The following BCR variants were observed in gnomAD, a reference collection of about 807,000 sequenced individuals.
BCR encodes the protein BCR activator of RhoGEF and GTPase, also known as breakpoint cluster region protein.
Under a neutral mutation model 138.6 loss-of-function variants are expected in BCR, and 58 were observed. That is an observed-to-expected ratio of 0.42 (90% CI 0.34 to 0.52). BCR has a LOEUF of 0.52. Ranked by LOEUF, BCR falls within the 20% of genes least tolerant of loss-of-function variation. The pLI is 0.06. For synonymous variants in BCR, 786 were observed against 730.1 expected, an observed-to-expected ratio of 1.08 and a Z score of -1.23; for missense variants, 1,599 against 1,727.2, an observed-to-expected ratio of 0.93 and a Z score of 1.32.
At chr22:23,202,852 T>G (rs903386415) in intron 1 of BCR, among the ~76,000 whole-genome samples, 4 of 117,202 alleles carry the variant, frequency 3.4e-5, no homozygotes, top group Non-Finnish European at 6.8e-5. Context: ...CAGTGAATTT[T>G]TTTGTGGGGT....
intron 1 of BCR, among the ~76,000 whole-genome samples, chr22:23,213,835 TAA>T (rs376154209): frequency 2.0e-4 from 27 of 135,952 alleles, no homozygotes; most frequent in Non-Finnish European, 1.4e-4. Flanking sequence ...CCCTGTCTCT[TAA>T]AAAAAAAAAA....
intron 10 of BCR, among the ~76,000 whole-genome samples, chr22:23,285,652 G>A (rs1002059586): frequency 3.3e-5 from 5 of 152,212 alleles, no homozygotes; most frequent in East Asian, 1.9e-4. Context: ...TGGCATCCCC[G>A]GGGAAAACTT....
At chr22:23,300,303 C>A (rs1224689581) in intron 16 of BCR, among the ~76,000 whole-genome samples, 1 of 152,226 alleles carries the variant, frequency 6.6e-6, no homozygotes, top group African/African-American at 2.4e-5. Context: ...TGGAATCATA[C>A]AGCATTTGTC....
intron 22 of BCR, among the ~76,000 whole-genome samples, chr22:23,314,937 T>C (rs537703705): frequency 1.7e-4 from 26 of 152,258 alleles, no homozygotes; most frequent in East Asian, 5.8e-4. Flanking sequence ...TAAAACTACC[T>C]CAAGTGTTCG....
chr22:23,181,619 G>A lies in BCR; in HGVS notation c.659G>A (p.Gly220Asp). 6.2e-7 allele frequency: 1 copy of A among 1,611,680 alleles called. No homozygotes were observed. Among genetic ancestry groups the A allele is most frequent in the Non-Finnish European group, 8.5e-7 (1 of 1,179,980 alleles). ...MERKKSQHGA[G>D]SSVGDASRPP... Reference sequence around the variant, plus strand: ...CGCAAAAAGTCCCAGCACGGCGCGGGCTCGAGCGTGGGGGATGCATCCAGG... The same window carrying A: ...CGCAAAAAGTCCCAGCACGGCGCGGACTCGAGCGTGGGGGATGCATCCAGG... Residue 220 changes from glycine (G) to aspartate (D), a missense_variant, in exon 1 of 23, where the codon GGC becomes GAC. Gly to Asp is a moderately conservative substitution (Grantham distance 94). Coordinates refer to ENST00000305877, the MANE Select transcript of BCR (RefSeq NM_004327.4).
chr22:23,206,998 A>G (rs889501481), intron 1 of BCR, among the ~76,000 whole-genome samples: 2 of 130,574 alleles, frequency 1.5e-5, no homozygotes, highest in African/African-American at 5.9e-5. Context: ...TCATCTGTCT[A>G]ACATCCAGCC....
At chr22:23,263,187 G>A (rs542802833) in intron 4 of BCR, 22 of 873,612 alleles carry the variant, frequency 2.5e-5, no homozygotes, top group African/African-American at 2.2e-4. Flanking sequence ...GGAGTCAGCC[G>A]CCTGCCCGGC....
chr22:23,220,381 G>C (rs1050674856), intron 1 of BCR, among the ~76,000 whole-genome samples: 1 of 152,174 alleles, frequency 6.6e-6, no homozygotes, highest in African/African-American at 2.4e-5. Flanking sequence ...AATGGCCTCT[G>C]TGTCTGCCAC....
At chr22:23,182,612 C>T (rs2072285923) in intron 1 of BCR, among the ~76,000 whole-genome samples, 2 of 152,272 alleles carry the variant, frequency 1.3e-5, no homozygotes, top group South Asian at 2.1e-4. Flanking sequence ...GCATAAAAGC[C>T]GGAGTCATCT....
intron 1 of BCR, among the ~76,000 whole-genome samples, chr22:23,196,766 A>G (rs2072488084): frequency 6.6e-6 from 1 of 152,176 alleles, no homozygotes; most frequent in Non-Finnish European, 1.5e-5. Flanking sequence ...AGAATCTAAT[A>G]CTGCTGCCGG....
intron 1 of BCR, among the ~76,000 whole-genome samples, chr22:23,218,845 G>A (rs1176431876): frequency 6.6e-6 from 1 of 152,252 alleles, no homozygotes; most frequent in Non-Finnish European, 1.5e-5. Context: ...TTCTGAGGGT[G>A]AGTGGCTGTC....
At chr22:23,273,857 C>T in intron 8 of BCR, 83 bp downstream of exon 8, 1 of 1,568,104 alleles carries the variant, frequency 6.4e-7, no homozygotes, top group Non-Finnish European at 8.7e-7. Flanking sequence ...AGGTCTGGAG[C>T]CCTTCCTGGT....
chr22:23,311,809 C>T lies in BCR; in HGVS notation c.3295C>T (p.Gln1099Ter). 1 of 1,611,818 alleles carries T rather than the reference C, an allele frequency of 6.2e-7. No individual in the cohort carries two copies. Among genetic ancestry groups the T allele is most frequent in the Non-Finnish European group, 8.5e-7 (1 of 1,179,860 alleles). ...YRVSGVATDI[Q>*]ALKAAFDVNN... is the part of the protein sequence containing the mutation. ...CGTGTCCGGTGTGGCCACGGACATC[C>T]AGGCACTGAAGGCAGCCTTCGACGT... The change falls in exon 19 of 23, where the codon CAG becomes TAG. Residue 1099 changes from glutamine to a stop codon, truncating the protein, a stop_gained. Transcript: ENST00000305877. LOFTEE classifies it high-confidence loss of function.
chr22:23,267,742 C>T (rs995737468), intron 4 of BCR, among the ~76,000 whole-genome samples: 15 of 152,148 alleles, frequency 9.9e-5, no homozygotes, highest in African/African-American at 3.1e-4. Context: ...GTTGCTGAAT[C>T]GAGTGTGTGT....
intron 1 of BCR, 96 bp downstream of exon 1, chr22:23,182,335 T>G: frequency 1.5e-6 from 2 of 1,359,804 alleles, no homozygotes; most frequent in Non-Finnish European, 1.9e-6. Context: ...GAGGGAGGAG[T>G]GGATAGTTTT....
chr22:23,207,266 C>T (rs967364761), intron 1 of BCR, among the ~76,000 whole-genome samples: 1 of 152,104 alleles, frequency 6.6e-6, no homozygotes, highest in Non-Finnish European at 1.5e-5. Context: ...ACCAACCAGG[C>T]ACTGAGAAGT....
At chr22:23,251,510 C>T (rs993816846) in intron 1 of BCR, among the ~76,000 whole-genome samples, 2 of 152,330 alleles carry the variant, frequency 1.3e-5, no homozygotes, top group South Asian at 2.1e-4. Flanking sequence ...GCCGGAACTT[C>T]GGCCACCTGC....
At chr22:23,253,156 G>A (rs1052411496) in intron 1 of BCR, among the ~76,000 whole-genome samples, 1 of 152,224 alleles carries the variant, frequency 6.6e-6, no homozygotes, top group Non-Finnish European at 1.5e-5. Flanking sequence ...GAGGTGCACA[G>A]AGGAAGGTCT....
intron 1 of BCR, among the ~76,000 whole-genome samples, chr22:23,195,921 A>G (rs1602001779): frequency 6.6e-6 from 1 of 152,224 alleles, no homozygotes; most frequent in Non-Finnish European, 1.5e-5. Flanking sequence ...AATAAATACC[A>G]CTGCTTTTTT....
Sources: gnomAD v4.1 joint callset for allele counts (sites outside exome capture counted in the v4.1 genomes callset) on GRCh38, gnomAD v4.1.1 for gene constraint, MANE v1.5 for transcripts, NCBI Gene and HGNC (gene_info 2026-07-23, HGNC 2026-07-21) for gene names.